The following SGCD variants were observed in gnomAD, a reference collection of about 807,000 sequenced individuals.
SGCD encodes delta-sarcoglycan.
SGCD carries 18 observed loss-of-function variants against 36.6 expected under a neutral mutation model. The ratio of observed to expected loss-of-function variants is 0.49; its 90% CI spans 0.34 to 0.73. The LOEUF (loss-of-function observed/expected upper bound fraction) is 0.73. Among genes scored for constraint, SGCD ranks in the 30% least tolerant of loss-of-function variants. The pLI, the probability that SGCD is intolerant of heterozygous loss-of-function variation, is 0.01. For synonymous variants in SGCD, 133 were observed against 130.6 expected (o/e 1.02, Z -0.12); for missense variants, 387 against 346.7 (o/e 1.12, Z -0.92).
chr5:156,300,820 A>G (rs910566329), intron 3 of SGCD, among the ~76,000 whole-genome samples: 4 of 152,032 alleles, frequency 2.6e-5, no homozygotes, highest in African/African-American at 7.2e-5. Flanking sequence ...TAAATTTTCA[A>G]TTGTTAAATC....
chr5:156,123,935 T>C (rs1762109739), exon 3 of SGCD: 1 of 152,118 alleles, frequency 6.6e-6, no homozygotes, highest in Non-Finnish European at 1.5e-5. Flanking sequence ...AACCGTCCCT[T>C]TTGTGGTGGC....
chr5:156,444,092 CTCTCTCTCTCTCTCTCTCTCT>C (rs1753633914), intron 3 of SGCD, among the ~76,000 whole-genome samples: 2 of 117,560 alleles, frequency 1.7e-5, no homozygotes, highest in Admixed American at 8.6e-5. Context: ...CTCTCTCTCT[CTCTCTCTCTCTCTCTCTCTCT>C]CTCCCCTTCC....
intron 1 of SGCD, among the ~76,000 whole-genome samples, chr5:155,997,091 G>A (rs1042993853): frequency 1.3e-5 from 2 of 152,188 alleles, no homozygotes; most frequent in Admixed American, 6.5e-5. Context: ...TTGAGAAATT[G>A]TGTGAGAAGA....
chr5:156,043,206 A>G (rs1161130032), intron 1 of SGCD, among the ~76,000 whole-genome samples: 1 of 152,170 alleles, frequency 6.6e-6, no homozygotes, highest in Admixed American at 6.5e-5. Context: ...GTATCAATAC[A>G]TGAAGCTTCC....
chr5:155,778,184 T>G, the SGCD span, among the ~76,000 whole-genome samples: 1 of 152,324 alleles, frequency 6.6e-6, no homozygotes, highest in East Asian at 1.9e-4. Flanking sequence ...TCTAGGATAA[T>G]GCACATGGTA....
intron 3 of SGCD, among the ~76,000 whole-genome samples, chr5:156,131,203 C>A (rs1018996159): frequency 6.6e-6 from 1 of 152,110 alleles, no homozygotes; most frequent in South Asian, 2.1e-4. Flanking sequence ...GTGTAATATG[C>A]AGTTTAGAAA....
At chr5:156,554,528 A>ATG (rs144623770) in intron 4 of SGCD, among the ~76,000 whole-genome samples, 1 of 150,860 alleles carries the variant, frequency 6.6e-6, no homozygotes, top group African/African-American at 2.4e-5. Flanking sequence ...TTGTGTATAT[A>ATG]TGTGTGTGTG....
At chr5:156,514,284 A>G (rs1168972731) in intron 4 of SGCD, among the ~76,000 whole-genome samples, 1 of 152,228 alleles carries the variant, frequency 6.6e-6, no homozygotes, top group African/African-American at 2.4e-5. Flanking sequence ...GCATAACTTA[A>G]TGTGAACTAG....
intron 1 of SGCD, among the ~76,000 whole-genome samples, chr5:155,984,787 A>T (rs1312819690): frequency 1.3e-5 from 2 of 152,180 alleles, no homozygotes; most frequent in Non-Finnish European, 2.9e-5. Flanking sequence ...AGAACCTCTG[A>T]TATAGACCCT....
intron 6 of SGCD, among the ~76,000 whole-genome samples, chr5:156,615,611 G>A (rs1761989605): frequency 1.3e-5 from 2 of 152,172 alleles, no homozygotes; most frequent in African/African-American, 4.8e-5. Flanking sequence ...CTCATTAAAT[G>A]TGTATGTCTG....
At chr5:156,355,926 C>G (rs1207238976) in intron 3 of SGCD, among the ~76,000 whole-genome samples, 1 of 152,306 alleles carries the variant, frequency 6.6e-6, no homozygotes, top group East Asian at 1.9e-4. Flanking sequence ...ACTGGGTCCT[C>G]CATATTCCCT....
At chr5:156,647,887 G>A (rs1472830310) in intron 7 of SGCD, among the ~76,000 whole-genome samples, 1 of 152,144 alleles carries the variant, frequency 6.6e-6, no homozygotes, top group Non-Finnish European at 1.5e-5. Context: ...AAAAGAAGAT[G>A]AAGTCTAAAT....
At chr5:156,160,776 C>A (rs1369341439) in intron 3 of SGCD, among the ~76,000 whole-genome samples, 1 of 151,640 alleles carries the variant, frequency 6.6e-6, no homozygotes. Context: ...TTGTTTGAAG[C>A]TACTTCACTT....
At chr5:155,926,561 T>C (rs1017898577) in intron 1 of SGCD, among the ~76,000 whole-genome samples, 35 of 152,222 alleles carry the variant, frequency 2.3e-4, no homozygotes, top group African/African-American at 8.4e-4. Context: ...ATTAAAGATA[T>C]CCTATAGTCC....
At chr5:155,864,906 T>C in the SGCD span, among the ~76,000 whole-genome samples, 1 of 152,330 alleles carries the variant, frequency 6.6e-6, no homozygotes, top group Non-Finnish European at 1.5e-5. Flanking sequence ...TAATATTTAT[T>C]GAACACCCAC....
intron 3 of SGCD, among the ~76,000 whole-genome samples, chr5:156,368,146 C>G (rs1183892095): frequency 6.6e-6 from 1 of 151,910 alleles, no homozygotes; most frequent in Non-Finnish European, 1.5e-5. Context: ...GGCTGTAGCG[C>G]AGTGGCACGA....
intron 1 of SGCD, among the ~76,000 whole-genome samples, chr5:156,073,564 A>G (rs10475663): frequency 0.018 from 2,816 of 152,282 alleles, 81 homozygotes; most frequent in African/African-American, 0.064. Context: ...CCCTGTCTCA[A>G]AAAGGTAAAA....
chr5:156,479,161 C>T (rs1016648116), intron 3 of SGCD, among the ~76,000 whole-genome samples: 6 of 152,140 alleles, frequency 3.9e-5, no homozygotes, highest in African/African-American at 1.2e-4. Context: ...GACATGATCT[C>T]GGCTCACTGC....
At chr5:156,406,790 T>TTATATATATATATATATATATATA (rs200600544) in intron 3 of SGCD, among the ~76,000 whole-genome samples, 20 of 75,566 alleles carry the variant, frequency 2.6e-4, no homozygotes, top group East Asian at 9.9e-4. Context: ...ATAGGAGATT[T>TTATATATATATATATATATATATA]TATATATATA....
Sources: gnomAD v4.1 joint callset for allele counts (sites outside exome capture counted in the v4.1 genomes callset) on GRCh38, gnomAD v4.1.1 for gene constraint, MANE v1.5 for transcripts, NCBI Gene and HGNC (gene_info 2026-07-23, HGNC 2026-07-21) for gene names.